The following DYNC1I1 variants were observed in gnomAD, a reference collection of about 807,000 sequenced individuals.
The protein encoded by DYNC1I1 is dynein cytoplasmic 1 intermediate chain 1, also known as cytoplasmic dynein 1 intermediate chain 1.
DYNC1I1 carries 43 observed loss-of-function variants against 86.6 expected under a neutral mutation model. That is an observed-to-expected ratio of 0.50 (90% CI 0.39 to 0.64). The LOEUF is 0.64. Among genes scored for constraint, DYNC1I1 ranks in the 30% least tolerant of loss-of-function variants. The pLI is 0.00. For synonymous variants in DYNC1I1, 262 were observed against 283.7 expected (o/e 0.92, Z 0.77); for missense variants, 604 against 788.8 (o/e 0.77, Z 2.81).
intron 1 of DYNC1I1, among the ~76,000 whole-genome samples, chr7:95,786,891 CAT>C (rs1314277804): frequency 2.0e-5 from 3 of 152,168 alleles, no homozygotes; most frequent in Non-Finnish European, 2.9e-5. Flanking sequence ...TGTATATGGA[CAT>C]GTGTGTGGGT....
chr7:95,976,466 G>A (rs1217039129), intron 6 of DYNC1I1, among the ~76,000 whole-genome samples: 1 of 152,082 alleles, frequency 6.6e-6, no homozygotes, highest in Non-Finnish European at 1.5e-5. Context: ...TAAGTGATTG[G>A]TGCTGAAATT....
intron 10 of DYNC1I1, among the ~76,000 whole-genome samples, chr7:96,016,169 G>T (rs761630106): frequency 1.3e-5 from 2 of 151,996 alleles, no homozygotes; most frequent in Non-Finnish European, 1.5e-5. Flanking sequence ...AGACCTATTC[G>T]TGCCAAATTA....
chr7:95,777,060 C>T (rs1168933762), intron 1 of DYNC1I1, among the ~76,000 whole-genome samples: 1 of 152,120 alleles, frequency 6.6e-6, no homozygotes, highest in Non-Finnish European at 1.5e-5. Context: ...AGTTTCTCTG[C>T]CTGTGTGGGA....
intron 16 of DYNC1I1, 96 bp downstream of exon 16, chr7:96,080,584 A>G: frequency 1.9e-6 from 3 of 1,601,122 alleles, no homozygotes; most frequent in South Asian, 2.2e-5. Context: ...GGCCACAAGG[A>G]CCCTCTCTAA....
At chr7:96,043,178 A>AG (rs1789108962) in intron 14 of DYNC1I1, among the ~76,000 whole-genome samples, 1 of 151,800 alleles carries the variant, frequency 6.6e-6, no homozygotes, top group African/African-American at 2.4e-5. Flanking sequence ...AAAAAAAAAA[A>AG]AAAAAGAAAG....
chr7:96,035,524 G>A (rs1419938307), intron 12 of DYNC1I1, 95 bp from the exon 13 acceptor site: 1 of 1,463,604 alleles, frequency 6.8e-7, no homozygotes, highest in African/African-American at 1.5e-5. Flanking sequence ...TGTGTGAAAA[G>A]CAAACACATG....
chr7:95,935,834 G>A (rs955165406), intron 6 of DYNC1I1, among the ~76,000 whole-genome samples: 1 of 151,930 alleles, frequency 6.6e-6, no homozygotes, highest in Non-Finnish European at 1.5e-5. Context: ...ACATACAAAT[G>A]GCCAACCAAT....
intron 13 of DYNC1I1, among the ~76,000 whole-genome samples, chr7:96,036,888 T>C (rs1381211068): frequency 1.3e-5 from 2 of 152,172 alleles, no homozygotes; most frequent in Non-Finnish European, 2.9e-5. Context: ...ACTTAACAGG[T>C]GGCCTCATGT....
rs142349847 is a variant in DYNC1I1, at chr7:95,824,816, C to T, written c.315-3241C>T. On this transcript the variant is annotated intron_variant, in intron 4 of 16. Transcript: ENST00000447467. ...CTCCTCTCTAAGATACTGCCATCTG[C>T]GGGGAAGCTGTCCTGCACGGTTTAC... Among the ~76,000 whole-genome samples the T allele has an allele frequency of 6.3e-3, 966 of 152,248 alleles. 20 individuals carry two copies. The highest frequency in any genetic ancestry group is 0.029 in the East Asian group (152 of 5,172).
intron 6 of DYNC1I1, among the ~76,000 whole-genome samples, chr7:95,936,213 T>C (rs1446910515): frequency 6.6e-6 from 1 of 152,032 alleles, no homozygotes; most frequent in Non-Finnish European, 1.5e-5. Flanking sequence ...TCATATAAAA[T>C]AAAGAACTCA....
intron 4 of DYNC1I1, among the ~76,000 whole-genome samples, chr7:95,819,304 G>C (rs1368416898): frequency 6.6e-6 from 1 of 152,038 alleles, no homozygotes; most frequent in Non-Finnish European, 1.5e-5. Context: ...TTGTTTTTGG[G>C]CTACAATAAT....
intron 11 of DYNC1I1, among the ~76,000 whole-genome samples, chr7:96,029,770 G>A (rs989487247): frequency 1.3e-5 from 2 of 152,002 alleles, no homozygotes; most frequent in African/African-American, 4.8e-5. Context: ...AAGTAGCTGG[G>A]TGTGGTGGTG....
intron 6 of DYNC1I1, among the ~76,000 whole-genome samples, chr7:95,887,792 AGC>A (rs1562934109): frequency 6.6e-6 from 1 of 152,152 alleles, no homozygotes; most frequent in Non-Finnish European, 1.5e-5. Flanking sequence ...CTTATTTTAG[AGC>A]CTGCAAGCCC....
chr7:95,945,620 C>G (rs1350561318), intron 6 of DYNC1I1, among the ~76,000 whole-genome samples: 5 of 152,140 alleles, frequency 3.3e-5, no homozygotes, highest in Non-Finnish European at 7.4e-5. Flanking sequence ...TTCTGAAACA[C>G]TCAGTTCACA....
chr7:96,098,978 A>G (rs1244056783), downstream of DYNC1I1, among the ~76,000 whole-genome samples: 2 of 152,200 alleles, frequency 1.3e-5, no homozygotes, highest in African/African-American at 2.4e-5. Flanking sequence ...AAATAGTATC[A>G]TACTTTTTCT....
downstream of DYNC1I1, among the ~76,000 whole-genome samples, chr7:96,100,681 T>TGG (rs1477998971): frequency 6.7e-6 from 1 of 150,176 alleles, no homozygotes; most frequent in Non-Finnish European, 1.5e-5. Context: ...TGTGTGTGTG[T>TGG]GGTAAGGAAG....
chr7:95,995,776 G>C (rs1215954269), intron 9 of DYNC1I1, among the ~76,000 whole-genome samples, 172 bp from the exon 10 acceptor site: 1 of 152,152 alleles, frequency 6.6e-6, no homozygotes, highest in African/African-American at 2.4e-5. Context: ...GAGTGTTGGA[G>C]GCAGAAACAA....
intron 10 of DYNC1I1, among the ~76,000 whole-genome samples, chr7:96,009,437 C>T (rs1434756732): frequency 2.0e-5 from 3 of 152,148 alleles, no homozygotes; most frequent in African/African-American, 7.2e-5. Context: ...ATGCTCTAGA[C>T]CCCTGAGTAG....
chr7:95,975,477 C>T (rs1445801716), intron 6 of DYNC1I1, among the ~76,000 whole-genome samples: 2 of 152,150 alleles, frequency 1.3e-5, no homozygotes, highest in East Asian at 1.9e-4. Context: ...ACATGGTGTT[C>T]TTCCTATGTT....
Sources: allele counts gnomAD v4.1 joint callset (sites outside exome capture counted in the v4.1 genomes callset), GRCh38; gene constraint gnomAD v4.1.1; transcripts MANE v1.5; gene names NCBI Gene and HGNC (gene_info 2026-07-23, HGNC 2026-07-21).